The following PGC variants were observed in gnomAD, a reference collection of about 807,000 sequenced individuals.
PGC encodes the protein progastricsin.
A neutral mutation model predicts 45.9 loss-of-function variants in PGC; 31 were observed. That is an observed-to-expected ratio of 0.67 (90% CI 0.51 to 0.91). PGC has a LOEUF of 0.91. PGC is among the 40% of genes least tolerant of loss of function. The pLI is 0.00. For missense variants in PGC, 477 were observed against 493.2 expected (o/e 0.97, Z 0.31); for synonymous variants, 192 against 201.8 (o/e 0.95, Z 0.41).
At chr6:41,746,287 A>G (rs2127293125) in intron 1 of PGC, among the ~76,000 whole-genome samples, 1 of 152,336 alleles carries the variant, frequency 6.6e-6, no homozygotes, top group South Asian at 2.1e-4. Flanking sequence ...CAACAGCACT[A>G]GCTGGGACTC....
At position 41,737,752 on chromosome 6, in the gene PGC, G is replaced by A. The variant is rs779227115; in HGVS notation, c.992C>T (p.Pro331Leu). The A allele has an allele frequency of 2.5e-6, 4 of 1,605,746 alleles. No individual in the cohort carries two copies. In the South Asian group the frequency reaches 3.3e-5, roughly 13 times the overall value. Residue 331 changes from proline (P) to leucine (L), a missense_variant, in exon 8 of 9, where the codon CCA becomes CTA. Pro to Leu is a moderately conservative substitution (Grantham distance 98, BLOSUM62 -3). Coordinates refer to ENST00000373025, the MANE Select transcript of PGC (RefSeq NM_002630.4). ...FIINGVEFPL[P>L]PSSYILSNNG... is the part of the protein sequence containing the mutation. ...TACACTGAGGATATAGGAGGAAGGT[G>A]GCAGAGGGAACTCCACACCATTGAT... is the stretch of plus-strand genomic sequence containing the variant.
intron 5 of PGC, chr6:41,740,973 C>T: frequency 6.6e-7 from 1 of 1,520,506 alleles, no homozygotes; most frequent in African/African-American, 1.4e-5. Context: ...ATTCCCAGCG[C>T]CTCAGGCTCC....
Position 41,746,886 on chromosome 6 carries a change from C to G in PGC, c.59+390G>C, listed in dbSNP as rs566586881. The stretch of plus-strand genomic sequence containing the variant: ...ATTTTGGCATCTGCCAGTAAATTTT[C>G]AGCCTTAAAGCAACTTTTAGAGAGG... On this transcript the variant is annotated intron_variant, in intron 1 of 8. Coordinates refer to ENST00000373025, the MANE Select transcript of PGC (RefSeq NM_002630.4). Among the ~76,000 whole-genome samples, 4 of 152,322 alleles carry G rather than the reference C, an allele frequency of 2.6e-5. No homozygotes were observed. In the East Asian group the frequency reaches 7.7e-4, roughly 29 times the overall value.
chr6:41,742,303 C>T lies in PGC; in HGVS notation c.634G>A (p.Val212Ile), dbSNP rs114204605. ...EGALTSPVFS[V>I]YLSNQQGSSG... ...CTGGTTGCTCACTTGCTGAGGTAGA[C>T]GCTGAAGACGGGGCTGGTGAGGGCG... Residue 212 changes from valine (V) to isoleucine (I), a missense_variant, in exon 5 of 9, where the codon GTC (valine) becomes ATC (isoleucine). By Grantham distance (29) the Val-to-Ile change is conservative (BLOSUM62 3). Coordinates refer to ENST00000373025, the MANE Select transcript of PGC (RefSeq NM_002630.4). 1.4e-3 allele frequency: 2,261 copies of T among 1,613,894 alleles called. 30 individuals are homozygous for T. In the African/African-American group the frequency reaches 0.025, roughly 18 times the overall value.
chr6:41,742,237 G>T, intron 5 of PGC, 53 bp downstream of exon 5: 1 of 1,529,574 alleles, frequency 6.5e-7, no homozygotes, highest in Non-Finnish European at 9.0e-7. Context: ...CAGTCGTCCA[G>T]GGCGGCCGGG....
In PGC at chr6:41,744,995, C is replaced by CTGTG. The variant is rs964698410; in HGVS notation, c.60-191_60-188dup. On this transcript the variant is annotated intron_variant, in intron 1 of 8. Coordinates refer to ENST00000373025, the MANE Select transcript of PGC (RefSeq NM_002630.4). The surrounding 1 kb of genome is among the most constrained non-coding windows in gnomAD (Gnocchi z 4.4). ...TCTCTGTCTCTGTCTGTCTGTCTCT[C>CTGTG]TGTGTGTGTGTGTGTGTGTGCGCGC... 1.8e-5 allele frequency among the ~76,000 whole-genome samples: 2 copies of CTGTG among 114,252 alleles called. No homozygotes were observed. Among genetic ancestry groups the CTGTG allele is most frequent in the African/African-American group, 3.3e-5 (1 of 30,256 alleles). 75.0% of individuals were successfully genotyped at this position (114,252 alleles called of 152,430 possible).
At position 41,744,551 on chromosome 6, in the gene PGC, A is replaced by T. The variant is rs1443823009; in HGVS notation, c.211-37T>A. 6.3e-7 allele frequency: 1 copy of T among 1,590,788 alleles called. No homozygotes were observed. Among genetic ancestry groups the T allele is most frequent in the African/African-American group, 1.3e-5 (1 of 74,210 alleles). Reference sequence around the variant, plus strand: ...GGAGCAAGCTGTTAGTTCCAGAGGGATCCAGGGGCCCCAGGCTCCTCCATG... The same window carrying T: ...GGAGCAAGCTGTTAGTTCCAGAGGGTTCCAGGGGCCCCAGGCTCCTCCATG... On this transcript the variant is annotated intron_variant, in intron 2 of 8. Coordinates refer to ENST00000373025, the MANE Select transcript of PGC (RefSeq NM_002630.4). This position sits in a 1 kb window ranked among gnomAD's most constrained non-coding sequence, Gnocchi z 4.4.
At chr6:41,742,966 C>T (rs973041471) in intron 4 of PGC, among the ~76,000 whole-genome samples, 8 of 152,168 alleles carry the variant, frequency 5.3e-5, no homozygotes, top group Middle Eastern at 3.2e-3. Context: ...ACCTCTCCTG[C>T]GTAGCCTTCC....
chr6:41,738,178 ACATATATATATG>A (rs1249914227), intron 7 of PGC, among the ~76,000 whole-genome samples: 19 of 27,568 alleles, frequency 6.9e-4, no homozygotes, highest in African/African-American at 2.9e-3. Flanking sequence ...ATATATATAT[ACATATATATATG>A]CATATATATA....
rs878974667 is a variant in PGC, at chr6:41,744,481, G to C, written c.244C>G (p.Pro82Ala). ...AYFGEISIGT[P>A]PQNFLVLFDT... is the part of the protein sequence containing the mutation. ...AAAAGGACCAGGAAGTTCTGGGGTG[G>C]AGTCCCGATGCTGATCTCACCAAAG... The change falls in exon 3 of 9, where the codon CCA becomes GCA. Residue 82 changes from proline (P) to alanine (A), a missense_variant. Transcript: ENST00000373025. This position sits in a 1 kb window ranked among gnomAD's most constrained non-coding sequence, Gnocchi z 4.4. 1.9e-6 allele frequency: 3 copies of C among 1,613,980 alleles called. No homozygotes were observed. Among genetic ancestry groups the C allele is most frequent in the East Asian group, 2.2e-5 (1 of 44,866 alleles).
chr6:41,738,638 T>TAACAACAAC (rs1031780512), intron 7 of PGC, among the ~76,000 whole-genome samples: 4 of 136,134 alleles, frequency 2.9e-5, no homozygotes, highest in Admixed American at 7.4e-5. Flanking sequence ...AAAACAACAA[T>TAACAACAAC]AACAACAACA....
chr6:41,740,884 G>A, intron 5 of PGC: 1 of 1,439,554 alleles, frequency 6.9e-7, no homozygotes, highest in Non-Finnish European at 9.1e-7. Context: ...CCTGAGGATG[G>A]GGCTGTATCC....
chr6:41,742,304 G>C lies in PGC; in HGVS notation c.633C>G (p.Ser211Arg). The change falls in exon 5 of 9, where the codon AGC becomes AGG. Residue 211 changes from serine to arginine, a missense_variant. Physicochemically the swap from Ser to Arg is moderately radical, Grantham distance 110. Transcript: ENST00000373025. The part of the protein sequence containing the change: ...QEGALTSPVF[S>R]VYLSNQQGSS... ...TGGTTGCTCACTTGCTGAGGTAGACGCTGAAGACGGGGCTGGTGAGGGCGC... is the reference window on the plus strand; with the variant it reads ...TGGTTGCTCACTTGCTGAGGTAGACCCTGAAGACGGGGCTGGTGAGGGCGC... 1 of 1,613,830 alleles carries C rather than the reference G, an allele frequency of 6.2e-7. No homozygotes were observed. The highest frequency in any genetic ancestry group is 2.2e-5 in the East Asian group (1 of 44,882).
At chr6:41,741,117 T>C in intron 5 of PGC, 1 of 1,537,146 alleles carries the variant, frequency 6.5e-7, no homozygotes, top group Non-Finnish European at 8.7e-7. Flanking sequence ...GCTTGTTACT[T>C]TTCTGCTGAG....
chr6:41,746,145 A>G (rs1458338904), intron 1 of PGC, among the ~76,000 whole-genome samples: 1 of 150,422 alleles, frequency 6.6e-6, no homozygotes, highest in Non-Finnish European at 1.5e-5. Context: ...CTGGGCAACA[A>G]GAGCGAAGTT....
Position 41,744,419 on chromosome 6 carries a change from G to C in PGC, c.306C>G (p.Val102=). 1 of 1,612,438 alleles carries C rather than the reference G, an allele frequency of 6.2e-7. No individual in the cohort carries two copies. The highest frequency in any genetic ancestry group is 2.2e-5 in the East Asian group (1 of 44,876). Residue 102 remains valine, a synonymous_variant, in exon 3 of 9, where the codon GTC becomes GTG. Transcript: ENST00000373025. The surrounding 1 kb of genome is among the most constrained non-coding windows in gnomAD (Gnocchi z 4.4). ...TGSSNLWVPS[V]YCQSQACTSH... ...CACTGCAGGCCTGGCTCTGGCAGTA[G>C]ACAGAGGGCACCCACAAGTTGGAGG...
chr6:41,743,440 T>A, intron 3 of PGC, 51 bp from the exon 4 acceptor site: 1 of 1,126,004 alleles, frequency 8.9e-7, no homozygotes, highest in Non-Finnish European at 1.4e-6. Context: ...GCAGGGCTGC[T>A]CAGCTCTCAG....
intron 8 of PGC, 152 bp downstream of exon 8, chr6:41,737,578 A>C (rs1771709582): frequency 3.5e-6 from 2 of 574,278 alleles, no homozygotes; most frequent in East Asian, 5.8e-5. Context: ...GTTCCAGAGA[A>C]GGGGGTTTAG....
rs754252126 is a variant in PGC at position 41,744,780 on chromosome 6, G to C, written c.88C>G (p.Arg30Gly). ...KVPLKKFKSI[R>G]ETMKEKGLLG... ...AAGCCCTTCTCCTTCATGGTCTCAC[G>C]GATAGACTTAAATTTCTTCAGGGGC... The change falls in exon 2 of 9, where the codon CGT becomes GGT. Residue 30 changes from arginine (R) to glycine (G), a missense_variant. Coordinates refer to ENST00000373025, the MANE Select transcript of PGC (RefSeq NM_002630.4). This position sits in a 1 kb window ranked among gnomAD's most constrained non-coding sequence, Gnocchi z 4.4. 1 of 1,614,060 alleles carries C rather than the reference G, an allele frequency of 6.2e-7. No individual in the cohort carries two copies. The highest frequency in any genetic ancestry group is 8.5e-7 in the Non-Finnish European group (1 of 1,179,972).
Sources: gnomAD v4.1 joint callset for allele counts (sites outside exome capture counted in the v4.1 genomes callset) on GRCh38, gnomAD v4.1.1 for gene constraint, Gnocchi (gnomAD v3.1) non-coding constraint, MANE v1.5 for transcripts, NCBI Gene and HGNC (gene_info 2026-07-23, HGNC 2026-07-21) for gene names.